ACSBG2: variants seen among roughly 807,000 people sequenced by gnomAD.
ACSBG2 encodes long-chain-fatty-acid--CoA ligase ACSBG2.
Under a neutral mutation model 74.7 loss-of-function variants are expected in ACSBG2, and 62 were observed. The ratio of observed to expected loss-of-function variants is 0.83; its 90% CI spans 0.68 to 1.03. The LOEUF (loss-of-function observed/expected upper bound fraction) is 1.03, where lower values mean the gene tolerates loss of function less well. Among genes scored for constraint, ACSBG2 ranks in the 50% least tolerant of loss-of-function variants. ACSBG2 has a pLI of 0.00. For synonymous variants in ACSBG2, 309 were observed against 294.1 expected (o/e 1.05, Z -0.52); for missense variants, 730 against 817.6 (o/e 0.89, Z 1.31).
At position 6,176,512 on chromosome 19, in the gene ACSBG2, G is replaced by A. The variant is rs75349494; in HGVS notation, c.739-717G>A. The A allele has an allele frequency of 1.7e-3, 1,069 of 627,950 alleles. 6 individuals carry two copies. The African/African-American group carries it at 0.019, about 11-fold the overall frequency. The allele number at this position is 627,950 out of a possible 1,614,324, so 38.9% of individuals were successfully genotyped here. Reference sequence around the variant, plus strand: ...GAAAAAACAACACACACACACACACGCACTCAGCCAGACTGCAGCACAGAC... The same window carrying A: ...GAAAAAACAACACACACACACACACACACTCAGCCAGACTGCAGCACAGAC... On this transcript the variant is annotated intron_variant, in intron 7 of 14. Transcript: ENST00000588485.
At chr19:6,182,056 T>G (rs1340228474) in intron 8 of ACSBG2, among the ~76,000 whole-genome samples, 3 of 152,128 alleles carry the variant, frequency 2.0e-5, no homozygotes, top group African/African-American at 4.8e-5. Flanking sequence ...CAGTTCTGGG[T>G]AAACCAGGAC....
chr19:6,148,282 C>T (rs1381093848), intron 3 of ACSBG2: 2 of 155,740 alleles, frequency 1.3e-5, no homozygotes, highest in Non-Finnish European at 2.8e-5. Flanking sequence ...CCATGGCCTT[C>T]TCCACAGAAT....
At chr19:6,168,958 T>C (rs1017823523) in intron 7 of ACSBG2, among the ~76,000 whole-genome samples, 2 of 152,104 alleles carry the variant, frequency 1.3e-5, no homozygotes, top group East Asian at 3.8e-4. Context: ...TTTGTATTTT[T>C]AGAAGAGGTG....
At position 6,160,907 on chromosome 19, in the gene ACSBG2, C is replaced by T. The variant is rs541213454; in HGVS notation, c.508-308C>T. 27 of 201,558 alleles carry T rather than the reference C, an allele frequency of 1.3e-4. 1 individual carries two copies. The highest frequency in any genetic ancestry group is 3.8e-4 in the Admixed American group (7 of 18,236). The allele number at this position is 201,558 out of a possible 1,614,324, so 12.5% of individuals were successfully genotyped here. A position where few individuals can be genotyped will look rare whatever the true frequency, so the allele number is the denominator to read the frequency against. Reference sequence around the variant, plus strand: ...CTGGGGTCAGGAGTTCGAGACCAGCCTGGCCAATACGGTGAAACCCCGGCT... The same window carrying T: ...CTGGGGTCAGGAGTTCGAGACCAGCTTGGCCAATACGGTGAAACCCCGGCT... On this transcript the variant is annotated intron_variant, in intron 5 of 14. Coordinates refer to ENST00000588485, the MANE Select transcript of ACSBG2 (RefSeq NM_030924.5).
Position 6,151,712 on chromosome 19 carries a change from T to C in ACSBG2, c.303T>C (p.Gly101=), listed in dbSNP as rs34245738. The C allele has an allele frequency of 0.015, 23,657 of 1,596,500 alleles. 456 individuals carry two copies. The highest frequency in any genetic ancestry group is 0.097 in the African/African-American group (7,245 of 74,846). ...RKAAKSLIKL[G]LERFHGVGIL... is the part of the protein sequence containing the mutation. ...GTTTGCTTTTTCCTTCCCAGCTGGG[T>C]TTGGAGCGTTTCCACGGAGTTGGTA... is the stretch of plus-strand genomic sequence containing the variant. Residue 101 remains glycine (G), a synonymous_variant, in exon 4 of 15, where the codon GGT becomes GGC. Coordinates refer to ENST00000588485, the MANE Select transcript of ACSBG2 (RefSeq NM_030924.5).
intron 8 of ACSBG2, among the ~76,000 whole-genome samples, chr19:6,179,296 T>TC: frequency 7.4e-6 from 1 of 134,890 alleles, no homozygotes; most frequent in South Asian, 2.2e-4. Context: ...TTTCTAAATT[T>TC]TTTTTTTTTT....
chr19:6,156,626 T>G (rs1473064172), intron 5 of ACSBG2, 75 bp downstream of exon 5: 2 of 1,418,426 alleles, frequency 1.4e-6, no homozygotes, highest in Non-Finnish European at 1.9e-6. Context: ...GTTCTTTTTT[T>G]CCCAGGTAAA....
intron 8 of ACSBG2, 33 bp from the exon 9 acceptor site, chr19:6,182,718 C>T (rs773494730): frequency 2.5e-6 from 4 of 1,604,764 alleles, no homozygotes; most frequent in Non-Finnish European, 3.4e-6. Flanking sequence ...ACGGAAGGCC[C>T]TGCTGTGGCT....
chr19:6,184,869 A>AC, intron 10 of ACSBG2, among the ~76,000 whole-genome samples: 1 of 140,110 alleles, frequency 7.1e-6, no homozygotes, highest in Non-Finnish European at 1.5e-5. Context: ...AAAAAAAAAA[A>AC]AAACGAAAAA....
At chr19:6,137,208 T>A (rs1031374114) in intron 1 of ACSBG2, 1 of 1,610 alleles carries the variant, frequency 6.2e-4, no homozygotes, top group African/African-American at 2.1e-3. Context: ...GGTGGCGGGG[T>A]TGGGGGGGGG....
At chr19:6,141,648 C>T (rs781610452) in intron 2 of ACSBG2, 38 bp downstream of exon 2, 1 of 1,278,614 alleles carries the variant, frequency 7.8e-7, no homozygotes, top group Non-Finnish European at 1.1e-6. Context: ...GAGAGAGTGG[C>T]ACATTGATTC....
chr19:6,170,434 T>C (rs2089934211), intron 7 of ACSBG2, among the ~76,000 whole-genome samples: 1 of 152,202 alleles, frequency 6.6e-6, no homozygotes, highest in African/African-American at 2.4e-5. Context: ...TAAAGCCCAC[T>C]TAAAAAGTAT....
intron 11 of ACSBG2, among the ~76,000 whole-genome samples, chr19:6,185,921 A>G (rs2090392874): frequency 6.6e-6 from 1 of 152,226 alleles, no homozygotes; most frequent in Admixed American, 6.5e-5. Flanking sequence ...CTTTCAGAAT[A>G]GCACCAGCCC....
At position 6,185,508 on chromosome 19, in the gene ACSBG2, C is replaced by T; in HGVS notation, c.1395C>T (p.Cys465=). ...QQNKDGIGEI[C]LWGRHIFMGY... is the part of the protein sequence containing the mutation. ...ACAAGGATGGCATTGGGGAGATCTG[C>T]CTCTGGGGTAGGCACATCTTCATGG... The change falls in exon 11 of 15, where the codon TGC becomes TGT. Residue 465 remains cysteine, a synonymous_variant. Coordinates refer to ENST00000588485, the MANE Select transcript of ACSBG2 (RefSeq NM_030924.5). 2 of 1,614,136 alleles carry T rather than the reference C, an allele frequency of 1.2e-6. No individual in the cohort carries two copies. The highest frequency in any genetic ancestry group is 8.5e-7 in the Non-Finnish European group (1 of 1,180,016).
chr19:6,154,402 A>AAGAGAGAGAGAGAG (rs547084046), intron 4 of ACSBG2, among the ~76,000 whole-genome samples: 22 of 83,266 alleles, frequency 2.6e-4, no homozygotes, highest in African/African-American at 5.2e-4. Flanking sequence ...CCGTCTCAAA[A>AAGAGAGAGAGAGAG]AGAGAGAGAG....
rs1452676194 is a variant in ACSBG2, at chr19:6,183,059, G to T, written c.1109G>T (p.Ser370Ile). The T allele has an allele frequency of 3.7e-6, 6 of 1,614,052 alleles. No individual in the cohort carries two copies. Among genetic ancestry groups the T allele is most frequent in the Middle Eastern group, 1.6e-4 (1 of 6,084 alleles). The stretch of plus-strand genomic sequence containing the variant: ...CACAGGAAATATAATACTCCCGTGA[G>T]CTACCGCATGGCTAAGACTCTCGTG... ...KMLGKYNTPV[S>I]YRMAKTLVFS... The change falls in exon 10 of 15, where the codon AGC becomes ATC. Residue 370 changes from serine to isoleucine, a missense_variant. Physicochemically the swap from Ser to Ile is moderately radical, Grantham distance 142 (BLOSUM62 -2). Transcript: ENST00000588485.
intron 7 of ACSBG2, among the ~76,000 whole-genome samples, chr19:6,172,978 G>C (rs2090001369): frequency 6.6e-6 from 1 of 152,112 alleles, no homozygotes; most frequent in Non-Finnish European, 1.5e-5. Flanking sequence ...GTTTATAAAG[G>C]CTTCATCCTT....
chr19:6,146,473 A>AAAT (rs10673054), intron 2 of ACSBG2, among the ~76,000 whole-genome samples: 109,065 of 149,010 alleles, frequency 0.73, 40,411 homozygotes, highest in African/African-American at 0.83. Flanking sequence ...CCGTCTCAAA[A>AAAT]AATAATAATA....
At chr19:6,188,014 G>A (rs2090458259) in intron 13 of ACSBG2, among the ~76,000 whole-genome samples, 169 bp downstream of exon 13, 1 of 152,104 alleles carries the variant, frequency 6.6e-6, no homozygotes, top group South Asian at 2.1e-4. Flanking sequence ...CCTCATCTTG[G>A]AAATAAAATC....
Sources: gnomAD v4.1 joint callset for allele counts (sites outside exome capture counted in the v4.1 genomes callset) on GRCh38, gnomAD v4.1.1 for gene constraint, MANE v1.5 for transcripts, NCBI Gene and HGNC (gene_info 2026-07-23, HGNC 2026-07-21) for gene names.